The following NPC1 variants were observed in gnomAD, a reference collection of about 807,000 sequenced individuals.
NPC1 encodes Niemann-Pick C1 protein.
Under a neutral mutation model 140.4 loss-of-function variants are expected in NPC1, and 85 were observed. The ratio of observed to expected loss-of-function variants is 0.61; its 90% CI spans 0.51 to 0.72. The LOEUF is 0.72. Ranked by LOEUF, NPC1 falls within the 30% of genes least tolerant of loss-of-function variation. NPC1 has a pLI of 0.00. For missense variants in NPC1, 1,504 were observed against 1,623.8 expected (o/e 0.93, Z 1.27); for synonymous variants, 656 against 624.8 (o/e 1.05, Z -0.74).
At chr18:23,541,502 C>A in intron 14 of NPC1, 69 bp from the exon 15 acceptor site, 1 of 1,603,540 alleles carries the variant, frequency 6.2e-7, no homozygotes, top group South Asian at 1.1e-5. Context: ...GTCTTATGTT[C>A]ATGTGCATGT....
At chr18:23,562,442 T>G (rs750428253) in intron 4 of NPC1, among the ~76,000 whole-genome samples, 1 of 152,008 alleles carries the variant, frequency 6.6e-6, no homozygotes, top group Non-Finnish European at 1.5e-5. Flanking sequence ...CTGTCGATTC[T>G]CATTTACCAG....
Position 23,572,092 on chromosome 18 carries a change from G to A in NPC1, c.269C>T (p.Pro90Leu). 1.2e-6 allele frequency: 2 copies of A among 1,613,590 alleles called. No homozygotes were observed. Among genetic ancestry groups the A allele is most frequent in the Non-Finnish European group, 1.7e-6 (2 of 1,179,648 alleles). ...LQTLKDNLQL[P>L]LQFLSRCPSC... ...AACCTACCTGGACAGAAACTGTAGA[G>A]GCAGCTGCAGGTTGTCTTTTAGTGT... Residue 90 changes from proline to leucine, a missense_variant, in exon 3 of 25, where the codon CCT (proline) becomes CTT (leucine). Physicochemically the swap from Pro to Leu is moderately conservative, Grantham distance 98. Coordinates refer to ENST00000269228, the MANE Select transcript of NPC1 (RefSeq NM_000271.5).
At chr18:23,570,538 A>G (rs1186038283) in intron 3 of NPC1, among the ~76,000 whole-genome samples, 1 of 152,228 alleles carries the variant, frequency 6.6e-6, no homozygotes, top group African/African-American at 2.4e-5. Context: ...ACTTTTGGTA[A>G]GAAGCAGAAT....
intron 1 of NPC1, among the ~76,000 whole-genome samples, chr18:23,585,738 TCA>T (rs2059410341): frequency 6.6e-6 from 1 of 152,126 alleles, no homozygotes; most frequent in South Asian, 2.1e-4. Flanking sequence ...CCTGTGAGTC[TCA>T]GTGTCCTGAG....
At chr18:23,564,551 G>A (rs568469031) in intron 4 of NPC1, among the ~76,000 whole-genome samples, 13 of 151,626 alleles carry the variant, frequency 8.6e-5, no homozygotes, top group South Asian at 2.1e-4. Context: ...TTGAACTCCC[G>A]GGCTCAAGCA....
At chr18:23,581,848 A>G (rs551853417) in intron 1 of NPC1, among the ~76,000 whole-genome samples, 2 of 152,320 alleles carry the variant, frequency 1.3e-5, no homozygotes, top group Middle Eastern at 3.4e-3. Context: ...ATAACATTTT[A>G]TCTTTATTCT....
intron 3 of NPC1, among the ~76,000 whole-genome samples, chr18:23,514,894 CATTA>C (rs2057959592): frequency 6.6e-6 from 1 of 152,306 alleles, no homozygotes; most frequent in Admixed American, 6.5e-5. Context: ...GTACCATGAG[CATTA>C]ATGTCTTGGG....
chr18:23,557,705 G>T (rs1160995588), intron 6 of NPC1, among the ~76,000 whole-genome samples: 2 of 152,162 alleles, frequency 1.3e-5, no homozygotes, highest in Admixed American at 1.3e-4. Context: ...TCGCGCCACT[G>T]CATTCCAGCC....
At chr18:23,566,903 G>A (rs1014359536) in intron 4 of NPC1, among the ~76,000 whole-genome samples, 3 of 152,120 alleles carry the variant, frequency 2.0e-5, no homozygotes, top group African/African-American at 7.2e-5. Context: ...TTTGCCTTTT[G>A]TAGAACGTCA....
At chr18:23,546,161 A>C (rs1004889921) in intron 11 of NPC1, among the ~76,000 whole-genome samples, 16 of 150,718 alleles carry the variant, frequency 1.1e-4, no homozygotes, top group African/African-American at 3.9e-4. Flanking sequence ...AGGCACGAGA[A>C]TCACTTGAAC....
downstream of NPC1, among the ~76,000 whole-genome samples, chr18:23,526,921 C>G (rs1336511245): frequency 1.3e-5 from 2 of 152,146 alleles, no homozygotes; most frequent in Non-Finnish European, 2.9e-5. Context: ...CTAGGAAAGG[C>G]TGCTAAATGG....
chr18:23,553,067 G>C, intron 9 of NPC1, among the ~76,000 whole-genome samples: 1 of 152,220 alleles, frequency 6.6e-6, no homozygotes, highest in African/African-American at 2.4e-5. Context: ...GGGCGAGACT[G>C]GGGTTATGAG....
chr18:23,548,203 T>A (rs2058815829), intron 10 of NPC1, 95 bp from the exon 11 acceptor site: 1 of 773,654 alleles, frequency 1.3e-6, no homozygotes, highest in Non-Finnish European at 2.3e-6. Flanking sequence ...GATTTCTCAC[T>A]GGAGCTATGG....
intron 4 of NPC1, among the ~76,000 whole-genome samples, chr18:23,567,779 T>C (rs964108341): frequency 2.6e-5 from 4 of 152,220 alleles, no homozygotes; most frequent in African/African-American, 9.7e-5. Context: ...TTGAAACGAT[T>C]GTACCAAATT....
Position 23,516,259 on chromosome 18 carries a change from G to A in NPC1, c.432-9617C>T. On this transcript the variant is annotated intron_variant, in intron 3 of 3. Coordinates refer to the NPC1 transcript ENST00000591107. ...TTTATCCTTGTTGGTTTTACACAGG[G>A]AATGATGAAACATTGAAGGGGTTTA... is the stretch of plus-strand genomic sequence containing the variant. The A allele has an allele frequency of 2.6e-6, 4 of 1,557,154 alleles. No homozygotes were observed. In the South Asian group the frequency reaches 4.5e-5, roughly 17 times the overall value.
intron 10 of NPC1, among the ~76,000 whole-genome samples, chr18:23,548,382 C>T (rs1158897976): frequency 2.1e-5 from 3 of 140,690 alleles, no homozygotes; most frequent in South Asian, 2.2e-4. Flanking sequence ...TGCATGTTAA[C>T]AATTTCAAAC....
intron 10 of NPC1, among the ~76,000 whole-genome samples, chr18:23,549,220 A>G (rs956313196): frequency 6.6e-6 from 1 of 152,066 alleles, no homozygotes; most frequent in Non-Finnish European, 1.5e-5. Flanking sequence ...TTTTAGAGAC[A>G]GGATCTCACT....
At chr18:23,525,607 T>C (rs1216089887), downstream of NPC1, among the ~76,000 whole-genome samples, 3 of 152,184 alleles carry the variant, frequency 2.0e-5, no homozygotes, top group East Asian at 5.8e-4. Flanking sequence ...GTATTTTTAG[T>C]AGATACGGGG....
chr18:23,561,324 T>TC (rs755061099), intron 5 of NPC1, 36 bp downstream of exon 5: 13 of 1,611,624 alleles, frequency 8.1e-6, no homozygotes, highest in Non-Finnish European at 1.1e-5. Flanking sequence ...TAAAACAATA[T>TC]CATAAACACA....
Sources: gnomAD v4.1 joint callset for allele counts (sites outside exome capture counted in the v4.1 genomes callset) on GRCh38, gnomAD v4.1.1 for gene constraint, MANE v1.5 for transcripts, NCBI Gene and HGNC (gene_info 2026-07-23, HGNC 2026-07-21) for gene names.